RAB38: variants seen among roughly 807,000 people sequenced by gnomAD.
The protein encoded by RAB38 is ras-related protein Rab-38.
In RAB38, 15 loss-of-function variants were observed where a neutral mutation model predicts 18.4. The observed-to-expected ratio is 0.82, with a 90% CI of 0.55 to 1.26. The LOEUF is 1.26. Ranked by LOEUF, RAB38 falls within the 50% of genes most tolerant of loss-of-function variation. The pLI, the probability that RAB38 is intolerant of heterozygous loss-of-function variation, is 0.00. For missense variants in RAB38, 294 were observed against 267.4 expected, an observed-to-expected ratio of 1.10 and a Z score of -0.69; for synonymous variants, 101 against 104.4, an observed-to-expected ratio of 0.97 and a Z score of 0.20.
At chr11:87,953,972 T>G in the RAB38 span, among the ~76,000 whole-genome samples, 46 of 152,182 alleles carry the variant, frequency 3.0e-4, no homozygotes, top group Non-Finnish European at 4.9e-4. Flanking sequence ...AATTTGAACA[T>G]GGAGGAAAGA....
At chr11:88,055,138 GAAGT>G in the RAB38 span, among the ~76,000 whole-genome samples, 1 of 152,200 alleles carries the variant, frequency 6.6e-6, no homozygotes. Flanking sequence ...TCAAGAGGCT[GAAGT>G]AAGAGGCTGG....
At chr11:88,166,747 T>A (rs1025311898) in intron 1 of RAB38, 1 of 152,144 alleles carries the variant, frequency 6.6e-6, no homozygotes, top group Non-Finnish European at 1.5e-5. Flanking sequence ...ATTTCCCAGT[T>A]TTCATGGTTG....
chr11:88,067,536 A>C, the RAB38 span, among the ~76,000 whole-genome samples: 2 of 152,250 alleles, frequency 1.3e-5, no homozygotes, highest in African/African-American at 4.8e-5. Flanking sequence ...TTGGGTCTTA[A>C]AATGGAAAGA....
chr11:87,828,274 A>G, the RAB38 span, among the ~76,000 whole-genome samples: 87 of 152,244 alleles, frequency 5.7e-4, no homozygotes, highest in African/African-American at 2.0e-3. Flanking sequence ...AATTTCAAAA[A>G]TTTTCACCTT....
the RAB38 span, among the ~76,000 whole-genome samples, chr11:87,907,565 G>A: frequency 6.6e-6 from 1 of 151,254 alleles, no homozygotes; most frequent in African/African-American, 2.4e-5. Context: ...TTCCATCATA[G>A]TTTTTACTTT....
chr11:87,974,157 A>C, the RAB38 span, among the ~76,000 whole-genome samples: 2 of 151,990 alleles, frequency 1.3e-5, no homozygotes, highest in African/African-American at 4.8e-5. Context: ...GAAGACACAG[A>C]TATCAAAATG....
chr11:88,158,585 T>C (rs1817637), intron 1 of RAB38, among the ~76,000 whole-genome samples: 37,457 of 151,904 alleles, frequency 0.25, 4,659 homozygotes, highest in Admixed American at 0.27. Context: ...TATGATCAAA[T>C]AGTGCAAGGA....
the RAB38 span, among the ~76,000 whole-genome samples, chr11:88,006,659 A>G: frequency 7.1e-6 from 1 of 141,732 alleles, no homozygotes; most frequent in Admixed American, 6.9e-5. Flanking sequence ...ACACAGTGGA[A>G]TACTATTCAG....
At chr11:87,882,808 T>C in the RAB38 span, among the ~76,000 whole-genome samples, 23 of 151,778 alleles carry the variant, frequency 1.5e-4, no homozygotes, top group Non-Finnish European at 2.8e-4. Flanking sequence ...TAAGGAGAAT[T>C]TCAGTTATTT....
At chr11:87,938,391 G>C in the RAB38 span, among the ~76,000 whole-genome samples, 1 of 152,044 alleles carries the variant, frequency 6.6e-6, no homozygotes, top group South Asian at 2.1e-4. Context: ...ACCACTGGCT[G>C]GTGGGATGAA....
chr11:88,095,226 A>C, the RAB38 span, among the ~76,000 whole-genome samples: 1 of 151,876 alleles, frequency 6.6e-6, no homozygotes, highest in East Asian at 1.9e-4. Flanking sequence ...TTATCTCAAC[A>C]CCATTCCTGA....
chr11:87,972,758 A>G, the RAB38 span, among the ~76,000 whole-genome samples: 1 of 152,010 alleles, frequency 6.6e-6, no homozygotes, highest in South Asian at 2.1e-4. Context: ...AAATAAATAT[A>G]TTTTTTAAAA....
chr11:87,957,799 G>A, the RAB38 span, among the ~76,000 whole-genome samples: 1 of 152,098 alleles, frequency 6.6e-6, no homozygotes, highest in African/African-American at 2.4e-5. Flanking sequence ...GGGAAAGGAA[G>A]AAGGGAGAGC....
chr11:87,977,451 TAC>T, the RAB38 span, among the ~76,000 whole-genome samples: 2 of 89,112 alleles, frequency 2.2e-5, no homozygotes, highest in Non-Finnish European at 4.0e-5. Context: ...ATAATTATAT[TAC>T]ATAATATAAT....
At chr11:87,947,724 C>T in the RAB38 span, among the ~76,000 whole-genome samples, 1 of 152,168 alleles carries the variant, frequency 6.6e-6, no homozygotes. Context: ...TTTGAGGGCT[C>T]TGTTCTGTTC....
the RAB38 span, among the ~76,000 whole-genome samples, chr11:87,973,730 G>A: frequency 1.2e-3 from 182 of 152,058 alleles, 3 homozygotes; most frequent in South Asian, 0.018. Context: ...TCCCAAAAGA[G>A]AGAAGCTGAT....
chr11:87,853,516 T>C, the RAB38 span, among the ~76,000 whole-genome samples: 1 of 152,184 alleles, frequency 6.6e-6, no homozygotes, highest in Admixed American at 6.5e-5. Context: ...GAAATGTCTA[T>C]TGTTTAGGCT....
intron 1 of RAB38, among the ~76,000 whole-genome samples, chr11:88,172,384 A>T (rs372433812): frequency 6.6e-6 from 1 of 152,236 alleles, no homozygotes; most frequent in African/African-American, 2.4e-5. Flanking sequence ...CATGGCTATA[A>T]GAGACACATC....
At chr11:87,808,100 T>C in the RAB38 span, among the ~76,000 whole-genome samples, 5 of 152,178 alleles carry the variant, frequency 3.3e-5, no homozygotes, top group African/African-American at 1.2e-4. Context: ...ACTTGCACAT[T>C]ATTGGTAGGA....
Sources: allele counts gnomAD v4.1 joint callset (sites outside exome capture counted in the v4.1 genomes callset), GRCh38; gene constraint gnomAD v4.1.1; transcripts MANE v1.5; gene names NCBI Gene and HGNC (gene_info 2026-07-23, HGNC 2026-07-21).